The following CHSY3 variants were observed in gnomAD, a reference collection of about 807,000 sequenced individuals.
CHSY3 encodes N-acetylgalactosaminyl-proteoglycan 3-beta-glucuronosyltransferase 3.
A neutral mutation model predicts 67.2 loss-of-function variants in CHSY3; 35 were observed. The ratio of observed to expected loss-of-function variants is 0.52; its 90% CI spans 0.40 to 0.69. CHSY3 has a LOEUF of 0.69. Ranked by LOEUF, CHSY3 falls within the 30% of genes least tolerant of loss-of-function variation. The pLI is 0.00. For missense variants in CHSY3, 1,069 were observed against 1,138.5 expected, an observed-to-expected ratio of 0.94 and a Z score of 0.88; for synonymous variants, 474 against 434.7, an observed-to-expected ratio of 1.09 and a Z score of -1.12.
chr5:129,974,265 T>C (rs1762729301), intron 2 of CHSY3, among the ~76,000 whole-genome samples: 1 of 152,148 alleles, frequency 6.6e-6, no homozygotes, highest in African/African-American at 2.4e-5. Flanking sequence ...AGGGATGGAA[T>C]GTGCCAGTCT....
chr5:129,906,472 A>C (rs1334369780), intron 1 of CHSY3, among the ~76,000 whole-genome samples: 1 of 152,206 alleles, frequency 6.6e-6, no homozygotes, highest in Non-Finnish European at 1.5e-5. Flanking sequence ...GGCCGCGGTG[A>C]TAAGCAGAGG....
chr5:130,090,295 T>A (rs1050615997), intron 2 of CHSY3, among the ~76,000 whole-genome samples: 1 of 152,264 alleles, frequency 6.6e-6, no homozygotes, highest in Middle Eastern at 3.4e-3. Context: ...TAATTGCAGA[T>A]TATTTCCTTG....
intron 2 of CHSY3, among the ~76,000 whole-genome samples, chr5:130,155,925 A>G (rs1168419762): frequency 6.6e-6 from 1 of 152,194 alleles, no homozygotes; most frequent in Non-Finnish European, 1.5e-5. Context: ...TACATTTGTA[A>G]TCTATTTTGC....
At chr5:130,082,029 A>G (rs1461359717) in intron 2 of CHSY3, among the ~76,000 whole-genome samples, 1 of 152,140 alleles carries the variant, frequency 6.6e-6, no homozygotes, top group Non-Finnish European at 1.5e-5. Context: ...TAAAGACATT[A>G]TGCGTTGAAC....
At chr5:129,949,709 C>T (rs1761966969) in intron 2 of CHSY3, among the ~76,000 whole-genome samples, 1 of 151,960 alleles carries the variant, frequency 6.6e-6, no homozygotes, top group Admixed American at 6.6e-5. Flanking sequence ...TACAAAAATC[C>T]CCAACAAAAC....
In CHSY3 at chr5:129,991,579, C is replaced by T. The variant is rs191202846; in HGVS notation, c.1086+83219C>T. On this transcript the variant is annotated intron_variant, in intron 2 of 2. Coordinates refer to ENST00000305031, the MANE Select transcript of CHSY3 (RefSeq NM_175856.5). ...AGGGTGTTGAGGTCTGATTAACAAG[C>T]TTGAGTTTGTCCTAAAGTTGAGTGT... 5.9e-5 allele frequency among the ~76,000 whole-genome samples: 9 copies of T among 152,154 alleles called. 1 individual carries two copies. The highest frequency in any genetic ancestry group is 5.2e-4 in the Admixed American group (8 of 15,242).
intron 1 of CHSY3, among the ~76,000 whole-genome samples, chr5:129,907,550 G>C (rs1203266620): frequency 6.6e-6 from 1 of 152,058 alleles, no homozygotes; most frequent in African/African-American, 2.4e-5. Flanking sequence ...TTCTAAAAAG[G>C]TGCCTTCCCA....
intron 2 of CHSY3, among the ~76,000 whole-genome samples, chr5:130,121,188 A>T (rs913410384): frequency 6.6e-6 from 1 of 152,274 alleles, no homozygotes; most frequent in East Asian, 1.9e-4. Flanking sequence ...TGATTCTATG[A>T]TTCTGGGTAC....
chr5:129,910,913 C>G (rs967362763), intron 2 of CHSY3, among the ~76,000 whole-genome samples: 6 of 151,172 alleles, frequency 4.0e-5, no homozygotes, highest in African/African-American at 7.3e-5. Flanking sequence ...TTTAAAAGCA[C>G]TATCTGTGAT....
chr5:130,182,261 T>A (rs943374972), intron 2 of CHSY3, among the ~76,000 whole-genome samples: 1 of 152,078 alleles, frequency 6.6e-6, no homozygotes, highest in African/African-American at 2.4e-5. Flanking sequence ...GTAGAGAATG[T>A]TTTTATATGT....
chr5:130,109,223 G>T (rs1767513116), intron 2 of CHSY3, among the ~76,000 whole-genome samples: 1 of 151,706 alleles, frequency 6.6e-6, no homozygotes, highest in Non-Finnish European at 1.5e-5. Flanking sequence ...AATCTTTGTT[G>T]CTTACAAAAT....
intron 2 of CHSY3, among the ~76,000 whole-genome samples, chr5:130,116,799 AGT>A (rs1767819937): frequency 6.6e-6 from 1 of 152,136 alleles, no homozygotes; most frequent in Non-Finnish European, 1.5e-5. Flanking sequence ...CTTATGCAGC[AGT>A]GTAGTAAGAG....
chr5:130,000,890 T>C (rs921872286), intron 2 of CHSY3, among the ~76,000 whole-genome samples: 9 of 148,126 alleles, frequency 6.1e-5, no homozygotes, highest in Non-Finnish European at 6.0e-5. Flanking sequence ...GTCTTCTTTT[T>C]TTTTTTTTTT....
At chr5:130,091,693 C>A (rs1396946843) in intron 2 of CHSY3, among the ~76,000 whole-genome samples, 2 of 152,134 alleles carry the variant, frequency 1.3e-5, no homozygotes, top group Non-Finnish European at 2.9e-5. Flanking sequence ...AAACAGCAGG[C>A]ATGACATAAA....
intron 2 of CHSY3, among the ~76,000 whole-genome samples, chr5:130,093,806 A>G (rs1288336011): frequency 6.6e-6 from 1 of 152,146 alleles, no homozygotes; most frequent in Non-Finnish European, 1.5e-5. Context: ...GGTAACCACC[A>G]GGAAGCTTGC....
chr5:130,046,688 G>A (rs1765162823), intron 2 of CHSY3, among the ~76,000 whole-genome samples: 1 of 152,064 alleles, frequency 6.6e-6, no homozygotes, highest in African/African-American at 2.4e-5. Flanking sequence ...CGTGGGGGCA[G>A]GGTATAAGGG....
At chr5:130,152,490 T>C (rs1045555199) in intron 2 of CHSY3, among the ~76,000 whole-genome samples, 1 of 152,220 alleles carries the variant, frequency 6.6e-6, no homozygotes, top group Admixed American at 6.5e-5. Context: ...CTTTTTTTCC[T>C]TCACCACAGA....
Position 129,905,307 on chromosome 5 carries a change from G to C in CHSY3, c.478G>C (p.Gly160Arg). Reference sequence around the variant, plus strand: ...GAGTAGCCACAACGGCAGCGGGGACGGGGGCGCTGCCGCCCCGAGCGCCCG... The same window carrying C: ...GAGTAGCCACAACGGCAGCGGGGACCGGGGCGCTGCCGCCCCGAGCGCCCG... ...PGSSHNGSGD[G>R]GAAAPSARPR... Residue 160 changes from glycine to arginine, a missense_variant, in exon 1 of 3, where the codon GGG becomes CGG. This residue lies in a region of CHSY3 where 309 missense variants were observed against 262.5 expected (regional missense o/e 1.18). Transcript: ENST00000305031. 5 of 1,502,578 alleles carry C rather than the reference G, an allele frequency of 3.3e-6. No individual in the cohort carries two copies. The highest frequency in any genetic ancestry group is 4.4e-6 in the Non-Finnish European group (5 of 1,130,886). The allele number at this position is 1,502,578 out of a possible 1,614,324, so 93.1% of individuals were successfully genotyped here.
At chr5:129,920,653 A>G (rs1407044051) in intron 2 of CHSY3, among the ~76,000 whole-genome samples, 1 of 152,130 alleles carries the variant, frequency 6.6e-6, no homozygotes, top group Non-Finnish European at 1.5e-5. Flanking sequence ...CATAAATTTA[A>G]CGCCCTTCTG....
Sources: allele counts gnomAD v4.1 joint callset (sites outside exome capture counted in the v4.1 genomes callset), GRCh38; gene constraint gnomAD v4.1.1; regional missense constraint gnomAD v4.1.1; transcripts MANE v1.5; gene names NCBI Gene and HGNC (gene_info 2026-07-23, HGNC 2026-07-21).